The following DGKB variants were observed in gnomAD, a reference collection of about 807,000 sequenced individuals.
DGKB encodes 90 kDa diacylglycerol kinase.
DGKB carries 67 observed loss-of-function variants against 114.3 expected under a neutral mutation model. The observed-to-expected ratio is 0.59, with a 90% CI of 0.48 to 0.72. The LOEUF (loss-of-function observed/expected upper bound fraction) is 0.72. DGKB is among the 30% of genes least tolerant of loss of function. The pLI is 0.00. For synonymous variants in DGKB, 398 were observed against 323.1 expected (o/e 1.23, Z -2.49); for missense variants, 907 against 975.2 (o/e 0.93, Z 0.93).
In DGKB at chr7:14,188,684, A is replaced by AAAG. The variant is rs1554279861; in HGVS notation, c.2123-10534_2123-10533insCTT. 6.2e-4 allele frequency among the ~76,000 whole-genome samples: 94 copies of AAAG among 150,550 alleles called. 4 individuals carry two copies. The highest frequency in any genetic ancestry group is 2.8e-4 in the Non-Finnish European group (19 of 67,644). On this transcript the variant is annotated intron_variant, in intron 23 of 25. Transcript: ENST00000402815. ...CAAAAAAAAAAAAAAAAAAAAAAAA[A>AAAG]AGATCCCCAATTACATTCAATCCAA...
chr7:14,791,105 A>G (rs1586538883), intron 2 of DGKB, among the ~76,000 whole-genome samples: 1 of 152,278 alleles, frequency 6.6e-6, no homozygotes, highest in Non-Finnish European at 1.5e-5. Context: ...TGTTGGGATT[A>G]CAGGCGTGAG....
chr7:14,553,403 G>A (rs1795392889), intron 20 of DGKB, among the ~76,000 whole-genome samples: 2 of 152,068 alleles, frequency 1.3e-5, no homozygotes, highest in Non-Finnish European at 2.9e-5. Flanking sequence ...AGAGTATCCA[G>A]CACATAGTGA....
chr7:14,710,797 C>A (rs1166651900), intron 6 of DGKB, among the ~76,000 whole-genome samples: 1 of 151,882 alleles, frequency 6.6e-6, no homozygotes, highest in Non-Finnish European at 1.5e-5. Context: ...TGGCATAATA[C>A]ATTGTTTCAT....
chr7:14,450,249 T>C (rs1239231485), intron 21 of DGKB, among the ~76,000 whole-genome samples: 1 of 152,104 alleles, frequency 6.6e-6, no homozygotes, highest in Admixed American at 6.6e-5. Flanking sequence ...GTCAACAACA[T>C]GAATATCTTC....
At chr7:14,617,566 A>C (rs1806780025) in intron 15 of DGKB, among the ~76,000 whole-genome samples, 1 of 151,678 alleles carries the variant, frequency 6.6e-6, no homozygotes. Context: ...AAGCCTTTTA[A>C]AATACCATTC....
intron 23 of DGKB, among the ~76,000 whole-genome samples, chr7:14,198,131 T>A (rs748983686): frequency 2.0e-5 from 3 of 152,000 alleles, no homozygotes; most frequent in Non-Finnish European, 2.9e-5. Flanking sequence ...CCTGTAGGAG[T>A]CCTAATTTGA....
At chr7:14,177,338 C>T (rs945229459) in intron 24 of DGKB, among the ~76,000 whole-genome samples, 1 of 151,860 alleles carries the variant, frequency 6.6e-6, no homozygotes, top group Non-Finnish European at 1.5e-5. Context: ...GGGCAGATCA[C>T]GAGGTCAGTA....
intron 1 of DGKB, among the ~76,000 whole-genome samples, chr7:14,882,202 G>C: frequency 6.6e-6 from 1 of 151,928 alleles, no homozygotes; most frequent in East Asian, 1.9e-4. Context: ...GAGTCTGAAA[G>C]AGAAATCGAG....
At position 14,253,216 on chromosome 7, in the gene DGKB, G is replaced by A. The variant is rs531554438; in HGVS notation, c.2123-75065C>T. 2.0e-5 allele frequency among the ~76,000 whole-genome samples: 3 copies of A among 152,054 alleles called. No homozygotes were observed. In the South Asian group the frequency reaches 6.2e-4, roughly 32 times the overall value. ...TGCTGCACTGATTTTTGTATTTTTA[G>A]TAGAGACGGGGTTTCACCATATTGG... is the stretch of plus-strand genomic sequence containing the variant. On this transcript the variant is annotated intron_variant, in intron 23 of 25. Coordinates refer to ENST00000402815, the MANE Select transcript of DGKB (RefSeq NM_001350709.2).
intron 23 of DGKB, among the ~76,000 whole-genome samples, chr7:14,198,253 A>G (rs904651558): frequency 7.2e-5 from 11 of 152,206 alleles, no homozygotes; most frequent in Admixed American, 2.0e-4. Context: ...AGGGAAAACT[A>G]AGGTGAGAAG....
intron 21 of DGKB, among the ~76,000 whole-genome samples, chr7:14,370,046 C>T (rs1205184600): frequency 6.6e-6 from 1 of 152,090 alleles, no homozygotes; most frequent in African/African-American, 2.4e-5. Flanking sequence ...AATGGTATTG[C>T]CTAGGTTTTC....
chr7:14,703,237 A>G (rs755605320), intron 6 of DGKB, among the ~76,000 whole-genome samples: 27 of 152,230 alleles, frequency 1.8e-4, no homozygotes, highest in Admixed American at 7.9e-4. Context: ...GCCTAAATAT[A>G]TTTCAGATTG....
chr7:14,223,639 T>G (rs996960549), intron 23 of DGKB, among the ~76,000 whole-genome samples: 2 of 151,788 alleles, frequency 1.3e-5, no homozygotes, highest in Non-Finnish European at 2.9e-5. Flanking sequence ...ATATCTGGGG[T>G]CAGTTGCTTT....
chr7:14,841,354 C>T lies in DGKB; in HGVS notation c.-91G>A. ...TCTATGCTTCAAAGATTCCACATGG[C>T]ATGTTTCATGATAAAATACCTCAGG... is the stretch of plus-strand genomic sequence containing the variant. On this transcript the variant is annotated 5_prime_UTR_variant, in exon 2 of 26. It removes an upstream start codon present in the reference 5' UTR. Coordinates refer to ENST00000402815, the MANE Select transcript of DGKB (RefSeq NM_001350709.2). 9.3e-7 allele frequency: 1 copy of T among 1,074,922 alleles called. No homozygotes were observed. The highest frequency in any genetic ancestry group is 1.5e-5 in the South Asian group (1 of 64,928). The allele number at this position is 1,074,922 out of a possible 1,614,324, so 66.6% of individuals were successfully genotyped here. A position where few individuals can be genotyped will look rare whatever the true frequency, so the allele number is the denominator to read the frequency against.
At chr7:14,258,328 T>A (rs1163521709) in intron 23 of DGKB, among the ~76,000 whole-genome samples, 1 of 152,096 alleles carries the variant, frequency 6.6e-6, no homozygotes, top group East Asian at 1.9e-4. Flanking sequence ...ATGAGAAGAA[T>A]ATAGATTAGT....
intron 20 of DGKB, among the ~76,000 whole-genome samples, chr7:14,487,463 T>A (rs908517960): frequency 1.3e-5 from 2 of 152,142 alleles, no homozygotes; most frequent in African/African-American, 4.8e-5. Flanking sequence ...CATAAGTGAA[T>A]GTTAGTAATT....
intron 14 of DGKB, among the ~76,000 whole-genome samples, chr7:14,627,366 T>G (rs1808775877): frequency 6.6e-6 from 1 of 152,116 alleles, no homozygotes; most frequent in Non-Finnish European, 1.5e-5. Flanking sequence ...GGTGACTTGA[T>G]CCATAAGTCC....
At position 14,929,022 on chromosome 7, in the gene DGKB, TACACACAC is replaced by T. The variant is rs3036022; in HGVS notation, c.-188+45666_-188+45673del. Among the ~76,000 whole-genome samples the T allele has an allele frequency of 3.6e-3, 522 of 146,850 alleles. 10 individuals carry two copies. Among genetic ancestry groups the T allele is most frequent in the East Asian group, 0.01 (51 of 5,020 alleles). ...TGGCTGAAAAGTACTGCATTGTGTA[TACACACAC>T]ACACACACACACACACACACACACA... On this transcript the variant is annotated intron_variant, in intron 1 of 4. Transcript: ENST00000437998.
intron 5 of DGKB, among the ~76,000 whole-genome samples, chr7:14,730,349 G>C (rs1830724850): frequency 6.6e-6 from 1 of 152,178 alleles, no homozygotes; most frequent in African/African-American, 2.4e-5. Flanking sequence ...AAGTACCAGA[G>C]TGCCAGGGTT....
Sources: allele counts gnomAD v4.1 joint callset (sites outside exome capture counted in the v4.1 genomes callset), GRCh38; gene constraint gnomAD v4.1.1; transcripts MANE v1.5; gene names NCBI Gene and HGNC (gene_info 2026-07-23, HGNC 2026-07-21).